PGCKA1: variants seen among roughly 807,000 people sequenced by gnomAD.
The protein encoded by PGCKA1 is PDCD10 and GCKIII kinases associated 1, also known as PDCD10 and GCKIII kinases-associated protein 1.
At chr4:37,500,578 G>A in the PGCKA1 span, among the ~76,000 whole-genome samples, 1 of 152,240 alleles carries the variant, frequency 6.6e-6, no homozygotes, top group Non-Finnish European at 1.5e-5. Flanking sequence ...GTGGCAATGA[G>A]AGGAATGTAT....
the PGCKA1 span, among the ~76,000 whole-genome samples, chr4:37,573,428 A>G: frequency 6.6e-6 from 1 of 152,164 alleles, no homozygotes; most frequent in African/African-American, 2.4e-5. Context: ...AGTCTGTCCC[A>G]TCCCCTGACT....
the PGCKA1 span, among the ~76,000 whole-genome samples, chr4:37,511,223 G>T: frequency 2.0e-5 from 3 of 152,060 alleles, no homozygotes; most frequent in African/African-American, 7.2e-5. Flanking sequence ...GGTACCTAAG[G>T]TGACAAAGTC....
chr4:37,522,411 A>AC, the PGCKA1 span, among the ~76,000 whole-genome samples: 2 of 151,958 alleles, frequency 1.3e-5, no homozygotes, highest in Non-Finnish European at 2.9e-5. Context: ...TTTCCTTAAG[A>AC]CCCAAGGGCT....
chr4:37,580,584 G>A, the PGCKA1 span, among the ~76,000 whole-genome samples: 19 of 152,078 alleles, frequency 1.2e-4, no homozygotes, highest in Non-Finnish European at 1.9e-4. Flanking sequence ...CTGGATTACC[G>A]GGCAGACTCT....
chr4:37,552,064 A>G, the PGCKA1 span, among the ~76,000 whole-genome samples: 4 of 152,366 alleles, frequency 2.6e-5, no homozygotes, highest in African/African-American at 9.6e-5. Context: ...AAAACAAGGA[A>G]GTGAAATCAA....
chr4:37,509,973 C>T, the PGCKA1 span, among the ~76,000 whole-genome samples: 38 of 99,358 alleles, frequency 3.8e-4, no homozygotes, highest in Middle Eastern at 4.6e-3. Context: ...GAGCGGGAGA[C>T]CGTGGGAGAG....
At chr4:37,509,587 G>C in the PGCKA1 span, among the ~76,000 whole-genome samples, 2 of 151,952 alleles carry the variant, frequency 1.3e-5, no homozygotes, top group East Asian at 1.9e-4. Flanking sequence ...CTGCAATCTC[G>C]GCACTTTGGG....
At chr4:37,579,565 G>A in the PGCKA1 span, among the ~76,000 whole-genome samples, 1 of 152,142 alleles carries the variant, frequency 6.6e-6, no homozygotes, top group African/African-American at 2.4e-5. Flanking sequence ...TTTTCCTTCA[G>A]CACTTTAAAT....
At chr4:37,467,543 T>C in the PGCKA1 span, among the ~76,000 whole-genome samples, 2 of 152,330 alleles carry the variant, frequency 1.3e-5, no homozygotes, top group African/African-American at 4.8e-5. Flanking sequence ...AGAGATCATT[T>C]AGTTCTACGT....
chr4:37,540,751 C>T, the PGCKA1 span, among the ~76,000 whole-genome samples: 3 of 151,816 alleles, frequency 2.0e-5, no homozygotes, highest in Non-Finnish European at 4.4e-5. Flanking sequence ...CCAGCTTGAG[C>T]TCTTTGCTTT....
the PGCKA1 span, among the ~76,000 whole-genome samples, chr4:37,499,896 TG>T: frequency 6.6e-6 from 1 of 151,440 alleles, no homozygotes; most frequent in East Asian, 1.9e-4. Context: ...GATGTTAAGT[TG>T]TTAAACTGAG....
At chr4:37,590,540 A>G in the PGCKA1 span, 1 of 1,614,004 alleles carries the variant, frequency 6.2e-7, no homozygotes, top group Admixed American at 1.7e-5. Context: ...AGAAATGGAG[A>G]CTCCAGAGCT....
At chr4:37,485,853 C>G in the PGCKA1 span, among the ~76,000 whole-genome samples, 1 of 152,108 alleles carries the variant, frequency 6.6e-6, no homozygotes, top group Non-Finnish European at 1.5e-5. Flanking sequence ...AATAGCAGGA[C>G]AGGGATCCAT....
At chr4:37,476,781 C>T in the PGCKA1 span, among the ~76,000 whole-genome samples, 2 of 152,096 alleles carry the variant, frequency 1.3e-5, no homozygotes, top group Admixed American at 6.6e-5. Flanking sequence ...TTTAATAAAA[C>T]ATGTTAAAAA....
At chr4:37,512,542 C>T in the PGCKA1 span, among the ~76,000 whole-genome samples, 5 of 150,834 alleles carry the variant, frequency 3.3e-5, no homozygotes, top group Non-Finnish European at 5.9e-5. Flanking sequence ...CTGCAACCTC[C>T]GCCTCCTGGG....
chr4:37,552,389 G>A, the PGCKA1 span, among the ~76,000 whole-genome samples: 17 of 152,298 alleles, frequency 1.1e-4, no homozygotes, highest in East Asian at 3.9e-4. Flanking sequence ...GTAGCTTGCC[G>A]ATGCTCCCAG....
At chr4:37,520,901 G>A in the PGCKA1 span, among the ~76,000 whole-genome samples, 1 of 152,226 alleles carries the variant, frequency 6.6e-6, no homozygotes, top group Admixed American at 6.5e-5. Context: ...ACAGGCGTGA[G>A]CCACTGCGCC....
chr4:37,538,067 T>TCACACACACACACACACA, the PGCKA1 span, among the ~76,000 whole-genome samples: 2 of 150,104 alleles, frequency 1.3e-5, no homozygotes, highest in African/African-American at 4.9e-5. Flanking sequence ...CACAACCCTG[T>TCACACACACACACACACA]CACACACACA....
the PGCKA1 span, among the ~76,000 whole-genome samples, chr4:37,528,667 ATAT>A: frequency 2.0e-5 from 3 of 152,238 alleles, no homozygotes; most frequent in Non-Finnish European, 4.4e-5. Flanking sequence ...GAGGACACCC[ATAT>A]TGATTGATGC....
Sources: allele counts gnomAD v4.1 joint callset (sites outside exome capture counted in the v4.1 genomes callset), GRCh38; gene constraint gnomAD v4.1.1; transcripts MANE v1.5; gene names NCBI Gene and HGNC (gene_info 2026-07-23, HGNC 2026-07-21).